BLTP3B: variants seen among roughly 807,000 people sequenced by gnomAD.
BLTP3B encodes UHRF1 (ICBP90) binding protein 1-like.
At chr12:100,105,272 A>C in the BLTP3B span, among the ~76,000 whole-genome samples, 27 of 152,272 alleles carry the variant, frequency 1.8e-4, 2 homozygotes, top group Admixed American at 7.8e-4. Flanking sequence ...AGCATGGAAC[A>C]GGTGTAAAAA....
At chr12:100,139,837 C>G in the BLTP3B span, among the ~76,000 whole-genome samples, 1 of 152,126 alleles carries the variant, frequency 6.6e-6, no homozygotes, top group Non-Finnish European at 1.5e-5. Flanking sequence ...GTACGACAGA[C>G]AAGCATGAGT....
At chr12:100,108,313 C>G in the BLTP3B span, 1 of 1,489,090 alleles carries the variant, frequency 6.7e-7, no homozygotes, top group Non-Finnish European at 9.0e-7. Flanking sequence ...ATTTTAAAAG[C>G]TAGAGCCAAA....
At chr12:100,091,259 G>A in the BLTP3B span, among the ~76,000 whole-genome samples, 3 of 144,082 alleles carry the variant, frequency 2.1e-5, no homozygotes, top group Admixed American at 7.4e-5. Context: ...GCATGATCTC[G>A]GTTCACCGCA....
chr12:100,138,774 C>T, the BLTP3B span, among the ~76,000 whole-genome samples: 1 of 152,356 alleles, frequency 6.6e-6, no homozygotes, highest in East Asian at 1.9e-4. Flanking sequence ...TTCCCTACCC[C>T]TTTTCAGGTC....
the BLTP3B span, chr12:100,057,932 G>A: frequency 7.2e-7 from 1 of 1,393,586 alleles, no homozygotes; most frequent in Non-Finnish European, 9.7e-7. Flanking sequence ...GCCATATTTT[G>A]TCATGAGCTT....
the BLTP3B span, among the ~76,000 whole-genome samples, chr12:100,133,942 T>TA: frequency 6.6e-6 from 1 of 152,200 alleles, no homozygotes; most frequent in Non-Finnish European, 1.5e-5. Context: ...TTCTATTACA[T>TA]ATTAGTTTTT....
chr12:100,074,879 G>A, the BLTP3B span, among the ~76,000 whole-genome samples: 26 of 151,954 alleles, frequency 1.7e-4, no homozygotes, highest in African/African-American at 5.8e-4. Context: ...AAATAAAATC[G>A]CACACCTATA....
chr12:100,048,251 T>C, the BLTP3B span: 1 of 1,516,350 alleles, frequency 6.6e-7, no homozygotes, highest in African/African-American at 1.4e-5. Flanking sequence ...AATATTACAA[T>C]TATGTGCCAT....
chr12:100,064,530 G>A, the BLTP3B span, among the ~76,000 whole-genome samples: 1 of 152,184 alleles, frequency 6.6e-6, no homozygotes, highest in Non-Finnish European at 1.5e-5. Context: ...CTTAAGAGCT[G>A]TGAGACAGAA....
chr12:100,053,814 T>TA, the BLTP3B span, among the ~76,000 whole-genome samples: 2 of 152,060 alleles, frequency 1.3e-5, no homozygotes, highest in African/African-American at 2.4e-5. Flanking sequence ...ATGCCTAGAG[T>TA]AAAAAATTGA....
the BLTP3B span, among the ~76,000 whole-genome samples, chr12:100,098,193 G>C: frequency 6.6e-6 from 1 of 152,132 alleles, no homozygotes; most frequent in Non-Finnish European, 1.5e-5. Flanking sequence ...ACTCCAGCCT[G>C]AGCAACAGAG....
the BLTP3B span, among the ~76,000 whole-genome samples, chr12:100,076,461 T>A: frequency 1.4e-5 from 2 of 145,934 alleles, no homozygotes; most frequent in Admixed American, 1.4e-4. Context: ...TGGCACAATC[T>A]CGGCCCACAA....
At chr12:100,111,898 G>A in the BLTP3B span, among the ~76,000 whole-genome samples, 1 of 151,906 alleles carries the variant, frequency 6.6e-6, no homozygotes, top group Non-Finnish European at 1.5e-5. Flanking sequence ...ATGAGCCACC[G>A]TGCCCAGCCC....
chr12:100,048,735 G>GGGGGAGA, the BLTP3B span, among the ~76,000 whole-genome samples: 30 of 119,588 alleles, frequency 2.5e-4, no homozygotes, highest in African/African-American at 3.1e-4. Context: ...GTAAGGGGGG[G>GGGGGAGA]GAGAGAGAGA....
the BLTP3B span, chr12:100,058,661 C>T: frequency 3.9e-5 from 63 of 1,614,028 alleles, no homozygotes; most frequent in African/African-American, 7.6e-4. Context: ...CTGGATGGAG[C>T]AAAAGAGCCA....
At chr12:100,129,016 T>C in the BLTP3B span, among the ~76,000 whole-genome samples, 15 of 152,128 alleles carry the variant, frequency 9.9e-5, no homozygotes, top group East Asian at 1.5e-3. Context: ...TACTATGTCA[T>C]AGAAGTTATA....
the BLTP3B span, chr12:100,058,737 G>A: frequency 3.3e-5 from 54 of 1,613,772 alleles, no homozygotes; most frequent in African/African-American, 5.6e-4. Context: ...GCCAGTTACA[G>A]CTTCTACATC....
At chr12:100,084,574 T>A in the BLTP3B span, 4 of 1,614,160 alleles carry the variant, frequency 2.5e-6, no homozygotes, top group Non-Finnish European at 3.4e-6. Context: ...AACGTTGCAC[T>A]CAAATTCATG....
At chr12:100,040,664 C>A in the BLTP3B span, among the ~76,000 whole-genome samples, 6 of 152,070 alleles carry the variant, frequency 3.9e-5, no homozygotes, top group Non-Finnish European at 8.8e-5. Context: ...CCAGCCTGGG[C>A]GACAGAGCGA....
Sources: allele counts gnomAD v4.1 joint callset (sites outside exome capture counted in the v4.1 genomes callset), GRCh38; gene constraint gnomAD v4.1.1; transcripts MANE v1.5; gene names NCBI Gene and HGNC (gene_info 2026-07-23, HGNC 2026-07-21).